METRN: variants seen among roughly 807,000 people sequenced by gnomAD.
METRN encodes the protein meteorin.
METRN carries 17 observed loss-of-function variants against 17.4 expected under a neutral mutation model. The observed-to-expected ratio is 0.98, with a 90% CI of 0.67 to 1.46. The LOEUF (loss-of-function observed/expected upper bound fraction) is 1.46, where lower values mean the gene tolerates loss of function less well. METRN is among the 40% of genes most tolerant of loss of function. The pLI is 0.00. For missense variants in METRN, 489 were observed against 456.2 expected, an observed-to-expected ratio of 1.07 and a Z score of -0.65; for synonymous variants, 230 against 210.8, an observed-to-expected ratio of 1.09 and a Z score of -0.79.
rs2040162071 is a variant in METRN at position 716,380 on chromosome 16, C to T, written c.505+396C>T. On this transcript the variant is annotated intron_variant, in intron 2 of 3. Transcript: ENST00000568223. ...AACCAACAAAAGTCCAGTGTGCAGCCCGGTCACCATGGAGACGCCGCTCGC... is the reference window on the plus strand; with the variant it reads ...AACCAACAAAAGTCCAGTGTGCAGCTCGGTCACCATGGAGACGCCGCTCGC... 9.8e-6 allele frequency: 14 copies of T among 1,425,924 alleles called. No homozygotes were observed. In the South Asian group the frequency reaches 2.1e-4, roughly 22 times the overall value. 88.3% of individuals were successfully genotyped at this position (1,425,924 alleles called of 1,614,324 possible). A position where few individuals can be genotyped will look rare whatever the true frequency, so the allele number is the denominator to read the frequency against.
Position 715,388 on chromosome 16 carries a change from G to A in METRN, c.99G>A (p.Arg33=). The A allele has an allele frequency of 1.5e-6, 2 of 1,320,274 alleles. No homozygotes were observed. The highest frequency in any genetic ancestry group is 1.9e-6 in the Non-Finnish European group (2 of 1,036,878). The allele number at this position is 1,320,274 out of a possible 1,614,324, so 81.8% of individuals were successfully genotyped here. A position where few individuals can be genotyped will look rare whatever the true frequency, so the allele number is the denominator to read the frequency against. The change falls in exon 1 of 4, where the codon AGG becomes AGA. Residue 33 remains arginine (R), a synonymous_variant. Coordinates refer to ENST00000568223, the MANE Select transcript of METRN (RefSeq NM_024042.4). Reference sequence around the variant, plus strand: ...ACTCCGAGGAGCGCTGCAGCTGGAGGGGCAGGTACGGTCCGGGGGGCTGTC... The same window carrying A: ...ACTCCGAGGAGCGCTGCAGCTGGAGAGGCAGGTACGGTCCGGGGGGCTGTC... The part of the protein sequence containing the change: ...AGYSEERCSW[R]GSGLTQEPGS...
Position 716,109 on chromosome 16 carries a change from C to T in METRN, c.505+125C>T, listed in dbSNP as rs1026137892. On this transcript the variant is annotated intron_variant, in intron 2 of 3. Coordinates refer to ENST00000568223, the MANE Select transcript of METRN (RefSeq NM_024042.4). ...AAGTGAGCTACAAGGGTTGGATGGG[C>T]TTGTCAGGCCACACAGCCTGGGACT... is the stretch of plus-strand genomic sequence containing the variant. 5 of 1,338,078 alleles carry T rather than the reference C, an allele frequency of 3.7e-6. No homozygotes were observed. In the Admixed American group the frequency reaches 1.1e-4, roughly 30 times the overall value. 82.9% of individuals were successfully genotyped at this position (1,338,078 alleles called of 1,614,324 possible).
chr16:717,328 C>T lies in METRN; in HGVS notation c.823C>T (p.Arg275Cys), dbSNP rs762666519. ...GCAPRFQEFR[R>C]AYEAARAAHL... is the part of the protein sequence containing the mutation. The stretch of plus-strand genomic sequence containing the variant: ...TGCCCCACGATTCCAGGAGTTCCGC[C>T]GTGCCTACGAGGCTGCCCGTGCTGC... The change falls in exon 4 of 4, where the codon CGT becomes TGT. Residue 275 changes from arginine (R) to cysteine (C), a missense_variant. By Grantham distance (180) the Arg-to-Cys change is radical (BLOSUM62 -3). Transcript: ENST00000568223. 54 of 1,482,322 alleles carry T rather than the reference C, an allele frequency of 3.6e-5. No individual in the cohort carries two copies. Among genetic ancestry groups the T allele is most frequent in the Middle Eastern group, 1.8e-4 (1 of 5,714 alleles). The allele number at this position is 1,482,322 out of a possible 1,614,324, so 91.8% of individuals were successfully genotyped here.
chr16:715,563 C>G lies in METRN; in HGVS notation c.105-21C>G, dbSNP rs561032272. 17 of 1,304,236 alleles carry G rather than the reference C, an allele frequency of 1.3e-5. No homozygotes were observed. The East Asian group carries it at 5.4e-4, about 41-fold the overall frequency. 80.8% of individuals were successfully genotyped at this position (1,304,236 alleles called of 1,614,324 possible). On this transcript the variant is annotated intron_variant, in intron 1 of 3. Transcript: ENST00000568223. The stretch of plus-strand genomic sequence containing the variant: ...CGGGGACCCGCCCCCGTCTCAGCGC[C>G]CCGTCCCGTCCTGTCCCCAGCGGCC...
chr16:717,647 C>G lies in METRN; in HGVS notation c.*260C>G. The G allele has an allele frequency of 2.5e-6, 1 of 400,076 alleles. No homozygotes were observed. Among genetic ancestry groups the G allele is most frequent in the Non-Finnish European group, 4.4e-6 (1 of 227,392 alleles). 24.8% of individuals were successfully genotyped at this position (400,076 alleles called of 1,614,324 possible). ...GAGGGAGAGCAGATGTCAGGAGGAG[C>G]TACACCCACATTCCGGGGAGGGGCC... is the stretch of plus-strand genomic sequence containing the variant. On this transcript the variant is annotated 3_prime_UTR_variant, in exon 4 of 4. Transcript: ENST00000568223.
chr16:716,031 C>A (rs1225513328), intron 2 of METRN, 47 bp downstream of exon 2: 2 of 1,397,364 alleles, frequency 1.4e-6, no homozygotes, highest in East Asian at 6.1e-5. Context: ...CGAAGTCTTA[C>A]CCTGCCTGGG....
intron 2 of METRN, chr16:716,314 C>A: frequency 3.6e-6 from 5 of 1,391,686 alleles, no homozygotes; most frequent in Non-Finnish European, 4.6e-6. Flanking sequence ...CTGTCCGGGG[C>A]TCCCTGGCCC....
rs1471436259 is a variant in METRN, at chr16:717,587, G to A, written c.*200G>A. ...CCTGGCGGGAGACTGAGGCTCAGGG[G>A]AATGGTATCTTGTTCAAGACCATTT... On this transcript the variant is annotated 3_prime_UTR_variant, in exon 4 of 4. Coordinates refer to ENST00000568223, the MANE Select transcript of METRN (RefSeq NM_024042.4). 5.3e-5 allele frequency: 25 copies of A among 470,354 alleles called. 1 individual carries two copies. In the South Asian group the frequency reaches 6.4e-4, roughly 12 times the overall value. The allele number at this position is 470,354 out of a possible 1,614,324, so 29.1% of individuals were successfully genotyped here.
At chr16:716,274 T>G (rs1326174660) in intron 2 of METRN, 1 of 985,258 alleles carries the variant, frequency 1.0e-6, no homozygotes, top group Non-Finnish European at 1.2e-6. Flanking sequence ...GAAGAGATGG[T>G]GGGGACAGAA....
chr16:716,488 A>C (rs1196057724), intron 2 of METRN: 6 of 1,480,930 alleles, frequency 4.1e-6, no homozygotes, highest in Non-Finnish European at 5.4e-6. Context: ...GGCTCTCGCT[A>C]TTCTGCCCCC....
chr16:717,424 G>GGC lies in METRN; in HGVS notation c.*38_*39insCG, dbSNP rs747323866. The GGC allele has an allele frequency of 7.4e-6, 10 of 1,357,236 alleles. No individual in the cohort carries two copies. The African/African-American group carries it at 1.3e-4, about 17-fold the overall frequency. The allele number at this position is 1,357,236 out of a possible 1,614,324, so 84.1% of individuals were successfully genotyped here. A position where few individuals can be genotyped will look rare whatever the true frequency, so the allele number is the denominator to read the frequency against. On this transcript the variant is annotated 3_prime_UTR_variant, in exon 4 of 4. Coordinates refer to ENST00000568223, the MANE Select transcript of METRN (RefSeq NM_024042.4). ...CTGGGGAGGGGCTGGTAGGAGGGAG[G>GGC]GTGGGCCCACTGCTTTGGAGGTGAT...
chr16:716,817 C>A, intron 2 of METRN, 116 bp from the exon 3 acceptor site: 1 of 1,503,590 alleles, frequency 6.7e-7, no homozygotes. Context: ...AGGCCCTGAG[C>A]GTGGGCTCTG....
Position 715,379 on chromosome 16 carries a change from C to G in METRN, c.90C>G (p.Cys30Trp). Residue 30 changes from cysteine to tryptophan, a missense_variant, in exon 1 of 4, where the codon TGC (cysteine) becomes TGG (tryptophan). Physicochemically the swap from Cys to Trp is radical, Grantham distance 215. Coordinates refer to ENST00000568223, the MANE Select transcript of METRN (RefSeq NM_024042.4). ...GCGCCGGCTACTCCGAGGAGCGCTG[C>G]AGCTGGAGGGGCAGGTACGGTCCGG... ...AARAGYSEER[C>W]SWRGSGLTQE... The G allele has an allele frequency of 7.5e-7, 1 of 1,332,546 alleles. No homozygotes were observed. Among genetic ancestry groups the G allele is most frequent in the South Asian group, 1.8e-5 (1 of 54,080 alleles). 82.5% of individuals were successfully genotyped at this position (1,332,546 alleles called of 1,614,324 possible).
At chr16:715,421 T>C (rs533272499) in intron 1 of METRN, 28 bp downstream of exon 1, 3 of 1,277,684 alleles carry the variant, frequency 2.3e-6, no homozygotes, top group East Asian at 6.4e-5. Flanking sequence ...GTCCCCGCAC[T>C]TAGGACGGGG....
At position 718,887 on chromosome 16, in the gene METRN, C is replaced by T. The variant is rs2040183026; in HGVS notation, c.*1500C>T. On this transcript the variant is annotated 3_prime_UTR_variant, in exon 4 of 4. Transcript: ENST00000568223. ...TCCACTTTTTCATCTTCAGCCCTGA[C>T]CACTCCCTGGGGCCCATAGCCTTAC... The T allele has an allele frequency of 6.6e-6, 1 of 152,514 alleles. No individual in the cohort carries two copies. The highest frequency in any genetic ancestry group is 2.4e-5 in the African/African-American group (1 of 41,444). The allele number at this position is 152,514 out of a possible 1,614,324, so 9.4% of individuals were successfully genotyped here. A position where few individuals can be genotyped will look rare whatever the true frequency, so the allele number is the denominator to read the frequency against.
In METRN at chr16:715,634, C is replaced by T. The variant is rs1159128818; in HGVS notation, c.155C>T (p.Ala52Val). The T allele has an allele frequency of 1.4e-6, 2 of 1,434,664 alleles. No homozygotes were observed. Among genetic ancestry groups the T allele is most frequent in the East Asian group, 3.0e-5 (1 of 33,282 alleles). The allele number at this position is 1,434,664 out of a possible 1,614,324, so 88.9% of individuals were successfully genotyped here. ...GSVGQLALAC[A>V]EGAVEWLYPA... ...GTGGGGCAGCTGGCCCTGGCCTGTG[C>T]GGAGGGCGCGGTTGAGTGGCTGTAC... Residue 52 changes from alanine (A) to valine (V), a missense_variant, in exon 2 of 4, where the codon GCG becomes GTG. Ala to Val is a moderately conservative substitution (Grantham distance 64). Coordinates refer to ENST00000568223, the MANE Select transcript of METRN (RefSeq NM_024042.4).
At chr16:715,543 A>C (rs1250952240) in intron 1 of METRN, 41 bp from the exon 2 acceptor site, 6 of 1,287,068 alleles carry the variant, frequency 4.7e-6, no homozygotes, top group Non-Finnish European at 5.9e-6. Context: ...CCGGGCGGGG[A>C]CCCGCCCCCG....
chr16:716,289 A>G, intron 2 of METRN: 1 of 1,375,748 alleles, frequency 7.3e-7, no homozygotes, highest in Non-Finnish European at 9.4e-7. Flanking sequence ...ACAGAATCGA[A>G]GCCTCCGGCC....
chr16:716,591 G>A, intron 2 of METRN: 1 of 1,535,272 alleles, frequency 6.5e-7, no homozygotes, highest in Non-Finnish European at 8.7e-7. Flanking sequence ...TCAGATCCGG[G>A]AAACTAGAGG....
Sources: gnomAD v4.1 joint callset for allele counts on GRCh38, gnomAD v4.1.1 for gene constraint, MANE v1.5 for transcripts, NCBI Gene and HGNC (gene_info 2026-07-23, HGNC 2026-07-21) for gene names.